The following NAV2 variants were observed in gnomAD, a reference collection of about 807,000 sequenced individuals.
NAV2 encodes the protein helicase, APC down-regulated 1.
Under a neutral mutation model 223.2 loss-of-function variants are expected in NAV2, and 54 were observed. The ratio of observed to expected loss-of-function variants is 0.24; its 90% CI spans 0.19 to 0.30. The LOEUF (loss-of-function observed/expected upper bound fraction) is 0.30. Among genes scored for constraint, NAV2 ranks in the 10% least tolerant of loss-of-function variants. NAV2 has a pLI of 1.00. For synonymous variants in NAV2, 1,279 were observed against 1,239.3 expected (o/e 1.03, Z -0.67); for missense variants, 2,806 against 3,147.5 (o/e 0.89, Z 2.60).
chr11:19,909,221 T>C (rs1440748830), intron 6 of NAV2, among the ~76,000 whole-genome samples: 1 of 152,158 alleles, frequency 6.6e-6, no homozygotes, highest in Non-Finnish European at 1.5e-5. Context: ...GGTCCTCCTT[T>C]CCCTGTATAT....
At chr11:19,886,310 T>C (rs1290068459) in intron 5 of NAV2, among the ~76,000 whole-genome samples, 2 of 152,162 alleles carry the variant, frequency 1.3e-5, no homozygotes, top group African/African-American at 4.8e-5. Flanking sequence ...GTGCTTACAC[T>C]TGGGGAGACC....
At chr11:19,475,388 C>T (rs1258043509) in intron 1 of NAV2, among the ~76,000 whole-genome samples, 10 of 152,184 alleles carry the variant, frequency 6.6e-5, no homozygotes, top group Admixed American at 5.2e-4. Flanking sequence ...ACATGGAAGG[C>T]GGAGCTGCTG....
intron 11 of NAV2, among the ~76,000 whole-genome samples, chr11:19,987,415 G>A (rs2050893293): frequency 6.6e-6 from 1 of 152,212 alleles, no homozygotes. Context: ...ACAAAGGAAA[G>A]AGGAAAAGTA....
chr11:19,614,709 AG>A (rs2046744010), intron 1 of NAV2, among the ~76,000 whole-genome samples: 1 of 152,184 alleles, frequency 6.6e-6, no homozygotes, highest in Non-Finnish European at 1.5e-5. Context: ...CCAGTGGCAT[AG>A]GTCATGCTGG....
chr11:19,715,390 C>T (rs576358306), intron 1 of NAV2, among the ~76,000 whole-genome samples: 1 of 152,252 alleles, frequency 6.6e-6, no homozygotes, highest in African/African-American at 2.4e-5. Context: ...CCAGTGGGCT[C>T]TGCCATGGGG....
At chr11:19,691,253 A>G (rs920336112) in intron 1 of NAV2, among the ~76,000 whole-genome samples, 2 of 78,138 alleles carry the variant, frequency 2.6e-5, no homozygotes, top group African/African-American at 5.2e-5. Context: ...CACATTAAAA[A>G]ACAGAAAAAA....
At chr11:19,544,342 C>T (rs1204075232) in intron 1 of NAV2, among the ~76,000 whole-genome samples, 2 of 152,126 alleles carry the variant, frequency 1.3e-5, no homozygotes, top group East Asian at 1.9e-4. Flanking sequence ...ACACAGGTTT[C>T]AAGGGTGACA....
At chr11:19,803,249 G>A (rs192281263) in intron 1 of NAV2, among the ~76,000 whole-genome samples, 28 of 152,342 alleles carry the variant, frequency 1.8e-4, no homozygotes, top group African/African-American at 5.8e-4. Flanking sequence ...CAGTTTATCT[G>A]TTGAACTCAG....
chr11:19,393,021 C>T (rs1849308534), intron 1 of NAV2, among the ~76,000 whole-genome samples: 1 of 152,212 alleles, frequency 6.6e-6, no homozygotes, highest in Non-Finnish European at 1.5e-5. Flanking sequence ...TGATGTCACT[C>T]AGCATTGTTG....
At chr11:20,063,706 A>G (rs1402501551) in intron 20 of NAV2, among the ~76,000 whole-genome samples, 1 of 152,152 alleles carries the variant, frequency 6.6e-6, no homozygotes, top group Non-Finnish European at 1.5e-5. Flanking sequence ...TAAAAACAGT[A>G]ATTTGGGAAT....
At chr11:19,975,768 G>A (rs1292551687) in intron 10 of NAV2, among the ~76,000 whole-genome samples, 2 of 152,202 alleles carry the variant, frequency 1.3e-5, no homozygotes, top group East Asian at 3.9e-4. Flanking sequence ...ATTGTAGAGT[G>A]TGTTGAAGCA....
intron 3 of NAV2, among the ~76,000 whole-genome samples, chr11:19,859,995 G>A (rs2061624423): frequency 8.7e-6 from 1 of 114,408 alleles, no homozygotes; most frequent in Non-Finnish European, 1.9e-5. Flanking sequence ...CAGGCGGGGG[G>A]CTGACCCCCC....
intron 1 of NAV2, among the ~76,000 whole-genome samples, chr11:19,483,828 G>GA (rs557031545): frequency 1.6e-3 from 251 of 152,278 alleles, no homozygotes; most frequent in African/African-American, 5.7e-3. Context: ...GTTAAGGGGG[G>GA]ACCACTGTTC....
chr11:19,678,061 G>A (rs545894852), intron 1 of NAV2, among the ~76,000 whole-genome samples: 1 of 152,278 alleles, frequency 6.6e-6, no homozygotes, highest in East Asian at 1.9e-4. Context: ...CTCTCCAGAG[G>A]GAGAGGCTGC....
intron 1 of NAV2, among the ~76,000 whole-genome samples, chr11:19,802,355 G>T (rs2058319857): frequency 6.6e-6 from 1 of 152,072 alleles, no homozygotes; most frequent in Non-Finnish European, 1.5e-5. Context: ...TCTGATTCTG[G>T]GTTCCAGGAG....
chr11:19,965,324 C>T (rs993939833), intron 10 of NAV2, among the ~76,000 whole-genome samples: 9 of 152,088 alleles, frequency 5.9e-5, no homozygotes, highest in African/African-American at 1.9e-4. Flanking sequence ...GCTGTGTACA[C>T]ATGTCTAAAA....
chr11:19,885,463 G>A (rs1053624889), intron 5 of NAV2, among the ~76,000 whole-genome samples: 4 of 152,308 alleles, frequency 2.6e-5, no homozygotes, highest in African/African-American at 9.6e-5. Flanking sequence ...AACAGAAATT[G>A]CTGCTGGGGT....
intron 1 of NAV2, among the ~76,000 whole-genome samples, chr11:19,781,371 C>T (rs774576512): frequency 6.6e-6 from 1 of 152,172 alleles, no homozygotes; most frequent in Non-Finnish European, 1.5e-5. Flanking sequence ...CTCTTAGCCC[C>T]TTTGATCAGG....
intron 6 of NAV2, among the ~76,000 whole-genome samples, chr11:19,901,685 G>A (rs2042460655): frequency 6.6e-6 from 1 of 152,190 alleles, no homozygotes; most frequent in Admixed American, 6.5e-5. Context: ...TCATTTAAAT[G>A]TATGTATACA....
Sources: allele counts gnomAD v4.1 joint callset (sites outside exome capture counted in the v4.1 genomes callset), GRCh38; gene constraint gnomAD v4.1.1; transcripts MANE v1.5; gene names NCBI Gene and HGNC (gene_info 2026-07-23, HGNC 2026-07-21).